Variants in LRP1B observed in about 807,000 individuals in gnomAD.
LRP1B encodes the protein LDL receptor related protein 1B.
LRP1B carries 217 observed loss-of-function variants against 556.6 expected under a neutral mutation model. The observed-to-expected ratio is 0.39, with a 90% confidence interval of 0.35 to 0.44. The LOEUF (loss-of-function observed/expected upper bound fraction) is 0.44. Among genes scored for constraint, LRP1B ranks in the 20% least tolerant of loss-of-function variants. LRP1B has a pLI of 1.00. For missense variants in LRP1B, 5,053 were observed against 5,620.8 expected (o/e 0.90, Z 3.23); for synonymous variants, 2,047 against 1,865.8 (o/e 1.10, Z -2.50).
chr2:141,101,191 A>G (rs371554338), intron 7 of LRP1B, among the ~76,000 whole-genome samples: 3 of 152,134 alleles, frequency 2.0e-5, no homozygotes, highest in Non-Finnish European at 2.9e-5. Context: ...CAACTACCCA[A>G]TGTGAAACCA....
intron 3 of LRP1B, among the ~76,000 whole-genome samples, chr2:141,404,578 A>G (rs972022906): frequency 1.3e-5 from 2 of 152,216 alleles, no homozygotes; most frequent in African/African-American, 4.8e-5. Context: ...ATGTAATAAT[A>G]AGTCAGCACA....
At chr2:140,950,677 A>G (rs1302147595) in intron 19 of LRP1B, among the ~76,000 whole-genome samples, 2 of 152,160 alleles carry the variant, frequency 1.3e-5, no homozygotes, top group South Asian at 2.1e-4. Flanking sequence ...TTTAGTAAAG[A>G]TGGGGTTTCG....
intron 1 of LRP1B, among the ~76,000 whole-genome samples, chr2:141,921,543 G>A (rs1301263403): frequency 6.6e-6 from 1 of 151,900 alleles, no homozygotes; most frequent in Non-Finnish European, 1.5e-5. Flanking sequence ...TTGATCCCCT[G>A]TATTAATGTA....
intron 79 of LRP1B, among the ~76,000 whole-genome samples, chr2:140,332,076 T>C (rs938587723): frequency 6.6e-6 from 1 of 152,020 alleles, no homozygotes; most frequent in African/African-American, 2.4e-5. Context: ...TAATAAATAA[T>C]CCCTTGAGAT....
At chr2:142,107,618 C>CTTTTG (rs71301749) in intron 1 of LRP1B, among the ~76,000 whole-genome samples, 1 of 151,210 alleles carries the variant, frequency 6.6e-6, no homozygotes, top group Admixed American at 6.6e-5. Flanking sequence ...AATAATGTGT[C>CTTTTG]TTTTGTTTTG....
chr2:140,301,578 A>G lies in LRP1B; in HGVS notation c.12806-3609T>C, dbSNP rs182215990. Among the ~76,000 whole-genome samples the G allele has an allele frequency of 2.7e-3, 408 of 152,200 alleles. 3 individuals carry two copies. Among genetic ancestry groups the G allele is most frequent in the African/African-American group, 9.1e-3 (380 of 41,568 alleles). The stretch of plus-strand genomic sequence containing the variant: ...AAATCACATTCCAATCCTTCACTGA[A>G]GGTACAGCTTTTTTTAATATAAAAA... On this transcript the variant is annotated intron_variant, in intron 83 of 90. Transcript: ENST00000389484.
chr2:141,549,632 C>A (rs12105718), intron 2 of LRP1B, among the ~76,000 whole-genome samples: 3,926 of 152,110 alleles, frequency 0.026, 168 homozygotes, highest in African/African-American at 0.09. Context: ...CCAGTGTTTG[C>A]GAATTACAAA....
intron 7 of LRP1B, among the ~76,000 whole-genome samples, chr2:141,077,530 T>C (rs987144305): frequency 2.0e-5 from 3 of 152,174 alleles, no homozygotes; most frequent in African/African-American, 7.2e-5. Flanking sequence ...CAAACACTAA[T>C]CTAGGTGCTG....
chr2:141,012,363 T>A (rs1282930442), intron 14 of LRP1B, among the ~76,000 whole-genome samples: 5 of 152,046 alleles, frequency 3.3e-5, no homozygotes, highest in Non-Finnish European at 7.4e-5. Context: ...AAAGCAGATC[T>A]TTCAGAATAT....
intron 41 of LRP1B, among the ~76,000 whole-genome samples, chr2:140,622,496 T>A (rs1574153982): frequency 3.3e-5 from 5 of 152,184 alleles, no homozygotes; most frequent in Non-Finnish European, 5.9e-5. Context: ...TTGTATAATG[T>A]TATGGTAATA....
intron 3 of LRP1B, among the ~76,000 whole-genome samples, chr2:141,307,991 C>T (rs566688135): frequency 5.8e-4 from 89 of 152,188 alleles, no homozygotes; most frequent in African/African-American, 2.1e-3. Context: ...GTCTTCAGGC[C>T]TGAAGGTGGC....
At position 140,244,547 on chromosome 2, in the gene LRP1B, A is replaced by G. The variant is rs71415482; in HGVS notation, c.13324+2539T>C. ...AATATTTTATTATGCTGAGTTTAAA[A>G]CTCTTCAAAATATCTTCAGAAGAGT... is the stretch of plus-strand genomic sequence containing the variant. On this transcript the variant is annotated intron_variant, in intron 87 of 90. Transcript: ENST00000389484. Among the ~76,000 whole-genome samples, 264 of 151,292 alleles carry G rather than the reference A, an allele frequency of 1.7e-3. 1 individual carries two copies. Among genetic ancestry groups the G allele is most frequent in the Non-Finnish European group, 3.2e-3 (218 of 67,472 alleles).
Position 141,096,621 on chromosome 2 carries a change from GGAGAGGGGGAGAGAGAGAGAGAGA to G in LRP1B, c.1014-34372_1014-34349del, listed in dbSNP as rs1165464769. Among the ~76,000 whole-genome samples the G allele has an allele frequency of 4.3e-4, 17 of 39,892 alleles. 2 individuals are homozygous for G. Among genetic ancestry groups the G allele is most frequent in the African/African-American group, 1.5e-3 (16 of 10,632 alleles). The allele number at this position is 39,892 out of a possible 152,430, so 26.2% of individuals were successfully genotyped here. The stretch of plus-strand genomic sequence containing the variant: ...ACCCTAGCCTGAATGACAAAGACGG[GGAGAGGGGGAGAGAGAGAGAGAGA>G]GAGAGAGAGAGAGAGAGAGAGAGAG... On this transcript the variant is annotated intron_variant, in intron 7 of 90. Coordinates refer to ENST00000389484, the MANE Select transcript of LRP1B (RefSeq NM_018557.3).
rs1380579027 is a variant in LRP1B at position 140,583,096 on chromosome 2, G to A, written c.7194+15535C>T. On this transcript the variant is annotated intron_variant, in intron 43 of 90. Transcript: ENST00000389484. Reference sequence around the variant, plus strand: ...ACATCAGTGGTCATAGGATTCTGTTGGCATCTTCATGGAAATATTAGCATG... The same window carrying A: ...ACATCAGTGGTCATAGGATTCTGTTAGCATCTTCATGGAAATATTAGCATG... Among the ~76,000 whole-genome samples the A allele has an allele frequency of 2.0e-5, 3 of 150,710 alleles. No individual in the cohort carries two copies. The East Asian group carries it at 5.9e-4, about 30-fold the overall frequency.
intron 87 of LRP1B, among the ~76,000 whole-genome samples, chr2:140,240,027 G>T (rs1680880155): frequency 6.6e-6 from 1 of 150,846 alleles, no homozygotes; most frequent in Admixed American, 6.6e-5. Context: ...GTTTGATTTG[G>T]ATGGAATCTT....
intron 27 of LRP1B, among the ~76,000 whole-genome samples, chr2:140,861,886 T>A (rs1692807200): frequency 6.6e-6 from 1 of 152,238 alleles, no homozygotes; most frequent in Non-Finnish European, 1.5e-5. Flanking sequence ...TCCTTTTGTG[T>A]GTGTGTGTGC....
At chr2:141,195,944 G>C (rs1325242908) in intron 6 of LRP1B, among the ~76,000 whole-genome samples, 1 of 152,034 alleles carries the variant, frequency 6.6e-6, no homozygotes, top group Non-Finnish European at 1.5e-5. Context: ...TGCTAGCCAT[G>C]TGGAATTTGG....
At chr2:140,901,822 A>G (rs1694114171) in intron 23 of LRP1B, among the ~76,000 whole-genome samples, 1 of 152,144 alleles carries the variant, frequency 6.6e-6, no homozygotes, top group African/African-American at 2.4e-5. Flanking sequence ...TTGATAGCAT[A>G]TTTTAATTCC....
At chr2:140,908,363 ATAATAT>A (rs1275345787) in intron 21 of LRP1B, among the ~76,000 whole-genome samples, 10 of 41,380 alleles carry the variant, frequency 2.4e-4, no homozygotes, top group East Asian at 5.1e-4. Context: ...TTATATTTAT[ATAATAT>A]ATATATATAT....
Sources: allele counts gnomAD v4.1 joint callset (sites outside exome capture counted in the v4.1 genomes callset), GRCh38; gene constraint gnomAD v4.1.1; transcripts MANE v1.5; gene names NCBI Gene and HGNC (gene_info 2026-07-23, HGNC 2026-07-21).